CACNA2D3: variants seen among roughly 807,000 people sequenced by gnomAD.
CACNA2D3 encodes the protein voltage-dependent calcium channel subunit alpha-2/delta-3.
A neutral mutation model predicts 160.6 loss-of-function variants in CACNA2D3; 60 were observed. The observed-to-expected ratio is 0.37, with a 90% CI of 0.30 to 0.46. The LOEUF is 0.46. Among genes scored for constraint, CACNA2D3 ranks in the 20% least tolerant of loss-of-function variants. The pLI is 1.00. For missense variants in CACNA2D3, 1,205 were observed against 1,365.0 expected (o/e 0.88, Z 1.85); for synonymous variants, 558 against 492.9 (o/e 1.13, Z -1.75).
intron 35 of CACNA2D3, among the ~76,000 whole-genome samples, chr3:55,025,259 T>C (rs1422252807): frequency 2.0e-5 from 3 of 152,138 alleles, no homozygotes; most frequent in African/African-American, 4.8e-5. Flanking sequence ...TTTCATTCAG[T>C]AGGAATAGGA....
intron 9 of CACNA2D3, chr3:54,626,745 G>A: frequency 1.5e-6 from 1 of 662,868 alleles, no homozygotes; most frequent in South Asian, 1.8e-5. Context: ...TGCAGTGACT[G>A]GAAAGCAAAG....
chr3:55,042,077 T>A (rs2107192267), intron 35 of CACNA2D3, among the ~76,000 whole-genome samples: 1 of 152,282 alleles, frequency 6.6e-6, no homozygotes, highest in East Asian at 1.9e-4. Context: ...AGAATATTGC[T>A]ATTTTGGTGA....
intron 4 of CACNA2D3, among the ~76,000 whole-genome samples, chr3:54,436,402 A>G (rs1411752209): frequency 1.3e-5 from 2 of 152,224 alleles, no homozygotes; most frequent in African/African-American, 2.4e-5. Flanking sequence ...CAGAAATACC[A>G]TTTGACCCAG....
chr3:54,646,615 T>A (rs1699657562), intron 11 of CACNA2D3, among the ~76,000 whole-genome samples: 1 of 152,170 alleles, frequency 6.6e-6, no homozygotes, highest in African/African-American at 2.4e-5. Flanking sequence ...ATATGTGGTA[T>A]GTGTGGTATA....
At chr3:54,666,653 T>C (rs1327513743) in intron 11 of CACNA2D3, among the ~76,000 whole-genome samples, 1 of 152,170 alleles carries the variant, frequency 6.6e-6, no homozygotes. Context: ...CAAAGACATT[T>C]TTTGCTGTGA....
chr3:54,370,067 T>TTTTTGGA (rs1698898049), intron 3 of CACNA2D3, among the ~76,000 whole-genome samples: 1 of 152,228 alleles, frequency 6.6e-6, no homozygotes, highest in Non-Finnish European at 1.5e-5. Context: ...GGGAAAATCA[T>TTTTTGGA]TTTTGGAATG....
intron 2 of CACNA2D3, among the ~76,000 whole-genome samples, chr3:54,288,442 C>G (rs1028694406): frequency 6.6e-6 from 1 of 152,148 alleles, no homozygotes; most frequent in African/African-American, 2.4e-5. Context: ...AGCTTACCCA[C>G]CAAAAAGAGT....
chr3:54,422,609 CAG>C (rs1478066153), intron 4 of CACNA2D3, among the ~76,000 whole-genome samples: 1 of 151,948 alleles, frequency 6.6e-6, no homozygotes, highest in African/African-American at 2.4e-5. Context: ...CATTAGTAAT[CAG>C]GGAAAAGTAA....
intron 13 of CACNA2D3, among the ~76,000 whole-genome samples, chr3:54,796,077 G>T (rs538606476): frequency 1.3e-5 from 2 of 152,310 alleles, no homozygotes; most frequent in African/African-American, 4.8e-5. Context: ...GGTAGTCAGT[G>T]TGTCAGCAGG....
intron 3 of CACNA2D3, among the ~76,000 whole-genome samples, chr3:54,384,225 CAG>C (rs1157766555): frequency 2.0e-5 from 3 of 151,990 alleles, no homozygotes; most frequent in Non-Finnish European, 4.4e-5. Flanking sequence ...TCTAGATTCT[CAG>C]TGCGTAGACA....
At chr3:54,188,291 G>A (rs1456977315) in intron 2 of CACNA2D3, among the ~76,000 whole-genome samples, 1 of 152,052 alleles carries the variant, frequency 6.6e-6, no homozygotes, top group African/African-American at 2.4e-5. Flanking sequence ...AGCAGGAGAG[G>A]CTGTGCAGGA....
chr3:54,560,126 G>C (rs530502079), intron 5 of CACNA2D3, among the ~76,000 whole-genome samples: 1 of 152,154 alleles, frequency 6.6e-6, no homozygotes, highest in African/African-American at 2.4e-5. Context: ...GAGTCTAATG[G>C]TATTTCTGTC....
chr3:54,154,739 G>A (rs1700213656), intron 2 of CACNA2D3, among the ~76,000 whole-genome samples: 1 of 152,032 alleles, frequency 6.6e-6, no homozygotes, highest in Non-Finnish European at 1.5e-5. Context: ...ACATGGTGTG[G>A]TGGTGTACAG....
Position 54,859,972 on chromosome 3 carries a change from G to GGA in CACNA2D3, c.1627-11567_1627-11566insGA, listed in dbSNP as rs1553891455. 2.2e-5 allele frequency among the ~76,000 whole-genome samples: 3 copies of GGA among 133,788 alleles called. No homozygotes were observed. The East Asian group carries it at 6.7e-4, about 30-fold the overall frequency. 87.8% of individuals were successfully genotyped at this position (133,788 alleles called of 152,430 possible). A position where few individuals can be genotyped will look rare whatever the true frequency, so the allele number is the denominator to read the frequency against. ...TTAGAACATCATCTGGAAAGTAGATGCACACACACACACACACACACACAC... is the reference window on the plus strand; with the variant it reads ...TTAGAACATCATCTGGAAAGTAGATGGACACACACACACACACACACACACAC... On this transcript the variant is annotated intron_variant, in intron 17 of 37. Coordinates refer to ENST00000474759, the MANE Select transcript of CACNA2D3 (RefSeq NM_018398.3).
At chr3:54,898,963 G>T (rs1700265801) in intron 26 of CACNA2D3, among the ~76,000 whole-genome samples, 1 of 152,132 alleles carries the variant, frequency 6.6e-6, no homozygotes, top group Non-Finnish European at 1.5e-5. Flanking sequence ...AAAGAAACTG[G>T]TTTTTATTGC....
Position 54,443,630 on chromosome 3 carries a change from G to A in CACNA2D3, c.381+56856G>A, listed in dbSNP as rs140148211. On this transcript the variant is annotated intron_variant, in intron 4 of 37. Transcript: ENST00000474759. ...TGGAGCAGACAGATCCTTGGCCGAC[G>A]ACCCTGGCATTTGCTCTGCTTCCCA... is the stretch of plus-strand genomic sequence containing the variant. 6.2e-4 allele frequency among the ~76,000 whole-genome samples: 94 copies of A among 152,216 alleles called. 3 individuals carry two copies. In the East Asian group the frequency reaches 0.015, roughly 24 times the overall value.
chr3:54,483,445 G>C (rs1700966037), intron 4 of CACNA2D3, among the ~76,000 whole-genome samples: 1 of 152,204 alleles, frequency 6.6e-6, no homozygotes, highest in African/African-American at 2.4e-5. Context: ...CAAAATTGAA[G>C]TTGTTTTCTC....
chr3:54,252,544 C>G (rs533431020), intron 2 of CACNA2D3, among the ~76,000 whole-genome samples: 1 of 152,276 alleles, frequency 6.6e-6, no homozygotes, highest in East Asian at 1.9e-4. Flanking sequence ...CAGCTGCAGT[C>G]TCTTAAAATT....
At chr3:54,263,521 T>A (rs913835618) in intron 2 of CACNA2D3, among the ~76,000 whole-genome samples, 1 of 152,142 alleles carries the variant, frequency 6.6e-6, no homozygotes, top group Non-Finnish European at 1.5e-5. Flanking sequence ...AGATTTGAAG[T>A]GAGGTGGTGC....
Sources: gnomAD v4.1 joint callset for allele counts (sites outside exome capture counted in the v4.1 genomes callset) on GRCh38, gnomAD v4.1.1 for gene constraint, MANE v1.5 for transcripts, NCBI Gene and HGNC (gene_info 2026-07-23, HGNC 2026-07-21) for gene names.